CARD8: variants seen among roughly 807,000 people sequenced by gnomAD.
CARD8 encodes caspase recruitment domain family member 8, also known as caspase recruitment domain-containing protein 8.
A neutral mutation model predicts 53.2 loss-of-function variants in CARD8; 38 were observed. The ratio of observed to expected loss-of-function variants is 0.71; its 90% CI spans 0.55 to 0.94. The LOEUF (loss-of-function observed/expected upper bound fraction) is 0.94, where lower values mean the gene tolerates loss of function less well. CARD8 is among the 40% of genes least tolerant of loss of function. The probability of loss-of-function intolerance (pLI) is 0.00; values close to 1 mark genes in which losing one functional copy is unlikely to be tolerated. For missense variants in CARD8, 561 were observed against 655.5 expected (o/e 0.86, Z 1.57); for synonymous variants, 245 against 244.9 (o/e 1.00, Z 0.00).
chr19:48,206,292 C>G (rs2037343111), downstream of CARD8: 5 of 357,164 alleles, frequency 1.4e-5, no homozygotes, highest in Admixed American at 1.7e-4. Flanking sequence ...TGTATAGTTG[C>G]ATTTCAATAG....
chr19:48,216,123 T>C (rs2039232456), intron 12 of CARD8, among the ~76,000 whole-genome samples: 1 of 120,146 alleles, frequency 8.3e-6, no homozygotes, highest in Admixed American at 9.8e-5. Context: ...CCCCATTTCA[T>C]CTAGAATTTG....
At chr19:48,254,276 A>C (rs1341161839) in intron 1 of CARD8, among the ~76,000 whole-genome samples, 1 of 152,222 alleles carries the variant, frequency 6.6e-6, no homozygotes, top group Non-Finnish European at 1.5e-5. Context: ...TAATTGAATG[A>C]GAAAAGTTAG....
chr19:48,203,322 A>G (rs373059644), downstream of CARD8: 5 of 152,208 alleles, frequency 3.3e-5, no homozygotes, highest in East Asian at 9.7e-4. Flanking sequence ...AGCACTTATC[A>G]CTACCTGAAA....
Position 48,241,053 on chromosome 19 carries a change from T to A in CARD8, c.-33A>T, listed in dbSNP as rs534101092. 2.5e-5 allele frequency: 38 copies of A among 1,496,324 alleles called. No individual in the cohort carries two copies. The Admixed American group carries it at 3.5e-4, about 14-fold the overall frequency. 92.7% of individuals were successfully genotyped at this position (1,496,324 alleles called of 1,614,324 possible). A position where few individuals can be genotyped will look rare whatever the true frequency, so the allele number is the denominator to read the frequency against. The stretch of plus-strand genomic sequence containing the variant: ...ATGTGGTATTTATGTCTTTACTGTA[T>A]CTTTTTTACCCTGAAAAAATAAAAG... On this transcript the variant is annotated 5_prime_UTR_variant, in exon 4 of 14. Coordinates refer to ENST00000651546, the MANE Select transcript of CARD8 (RefSeq NM_001184900.3).
At position 48,242,018 on chromosome 19, in the gene CARD8, G is replaced by C. The variant is rs887068654; in HGVS notation, c.-43-955C>G. ...CACAGGCACGCACACCCAGCCACAG[G>C]CACCCACGCATCCACCTTCTGTCTC... On this transcript the variant is annotated intron_variant, in intron 3 of 13. Coordinates refer to ENST00000651546, the MANE Select transcript of CARD8 (RefSeq NM_001184900.3). Among the ~76,000 whole-genome samples, 7 of 152,200 alleles carry C rather than the reference G, an allele frequency of 4.6e-5. 1 individual carries two copies. The highest frequency in any genetic ancestry group is 1.7e-4 in the African/African-American group (7 of 41,522).
At chr19:48,243,394 C>T (rs562014025) in intron 3 of CARD8, among the ~76,000 whole-genome samples, 1 of 152,278 alleles carries the variant, frequency 6.6e-6, no homozygotes, top group East Asian at 1.9e-4. Context: ...TCTGCAATAA[C>T]TGAATGTCTA....
intron 10 of CARD8, among the ~76,000 whole-genome samples, chr19:48,225,744 T>A (rs1233158983): frequency 1.3e-5 from 2 of 151,694 alleles, no homozygotes; most frequent in African/African-American, 4.8e-5. Context: ...ACTGAGATGT[T>A]CTAGGGTCAC....
At chr19:48,204,015 G>C (rs1039113799), downstream of CARD8, 6 of 375,134 alleles carry the variant, frequency 1.6e-5, no homozygotes, top group African/African-American at 1.1e-4. Context: ...AGCATGTGCA[G>C]GCTGCGGGGT....
rs373244139 is a variant in CARD8 at position 48,234,426 on chromosome 19, T to C, written c.327A>G (p.Gln109=). 48 of 1,612,694 alleles carry C rather than the reference T, an allele frequency of 3.0e-5. No homozygotes were observed. Among genetic ancestry groups the C allele is most frequent in the African/African-American group, 5.3e-5 (4 of 74,888 alleles). ...PLLFRAVPEC[Q]LSGGDIPSVS... Reference sequence around the variant, plus strand: ...ACCTGGGAATGTCCCCCCCAGATAGTTGACACTCAGGAACAGCACGGAACA... The same window carrying C: ...ACCTGGGAATGTCCCCCCCAGATAGCTGACACTCAGGAACAGCACGGAACA... Residue 109 remains glutamine (Q), a synonymous_variant, in exon 6 of 14, where the codon CAA becomes CAG. Coordinates refer to ENST00000651546, the MANE Select transcript of CARD8 (RefSeq NM_001184900.3).
In CARD8 at chr19:48,249,504, C is replaced by T. The variant is rs2046661350; in HGVS notation, c.-44+19G>A. 1 of 152,200 alleles carries T rather than the reference C, an allele frequency of 6.6e-6. No homozygotes were observed. Among genetic ancestry groups the T allele is most frequent in the East Asian group, 1.9e-4 (1 of 5,328 alleles). The allele number at this position is 152,200 out of a possible 1,614,324, so 9.4% of individuals were successfully genotyped here. On this transcript the variant is annotated intron_variant, in intron 3 of 13. Transcript: ENST00000651546. ...TAAACTCTGCAGAAGTAAGTGTAGT[C>T]GTGTTTTTTCCTACTCACATTGAAG... is the stretch of plus-strand genomic sequence containing the variant.
chr19:48,215,306 A>T, intron 13 of CARD8, 34 bp downstream of exon 13: 2 of 1,539,598 alleles, frequency 1.3e-6, no homozygotes, highest in Non-Finnish European at 1.8e-6. Flanking sequence ...TGTCTCATAC[A>T]TACCCTTGGC....
chr19:48,247,429 AT>A (rs991550012), intron 3 of CARD8, among the ~76,000 whole-genome samples: 1 of 152,222 alleles, frequency 6.6e-6, no homozygotes, highest in African/African-American at 2.4e-5. Context: ...ATGAAATAAT[AT>A]GCAATTTTAA....
At chr19:48,255,126 G>A (rs1966906308) in intron 1 of CARD8, among the ~76,000 whole-genome samples, 1 of 152,162 alleles carries the variant, frequency 6.6e-6, no homozygotes, top group African/African-American at 2.4e-5. Context: ...CCAACACTTT[G>A]GGAGGCCAAG....
chr19:48,217,402 G>A (rs1353621287), intron 12 of CARD8, among the ~76,000 whole-genome samples: 1 of 152,186 alleles, frequency 6.6e-6, no homozygotes, highest in Non-Finnish European at 1.5e-5. Context: ...GTTCAACTAT[G>A]TCCTTCTTCC....
At chr19:48,231,142 G>A (rs528133399) in intron 8 of CARD8, 136 bp from the exon 9 acceptor site, 2 of 675,448 alleles carry the variant, frequency 3.0e-6, no homozygotes, top group Admixed American at 2.6e-5. Context: ...ATTAGAAAAC[G>A]CTGGGGAGTT....
At chr19:48,240,889 G>T in intron 4 of CARD8, 73 bp downstream of exon 4, 1 of 1,151,592 alleles carries the variant, frequency 8.7e-7, no homozygotes, top group South Asian at 1.3e-5. Flanking sequence ...ATGGTCCTCT[G>T]TATCTCATGA....
Position 48,211,712 on chromosome 19 carries a change from A to T in CARD8, c.1612T>A (p.Ter538LysextTer6). ...LVSYLRQQNL* is the reference protein window; with the variant it reads ...LVSYLRQQNLK ...CCAGACTACCTAACTGACTCATTTT[A>T]CAAATTCTGCTGTCTAAGATAGGAC... The change falls in exon 14 of 14, where the codon TAA (stop) becomes AAA (lysine). Residue 538 changes from the stop codon to lysine, a stop_lost. Transcript: ENST00000651546. The T allele has an allele frequency of 1.2e-6, 2 of 1,613,118 alleles. No homozygotes were observed. The highest frequency in any genetic ancestry group is 1.7e-6 in the Non-Finnish European group (2 of 1,179,448).
intron 13 of CARD8, among the ~76,000 whole-genome samples, chr19:48,213,531 G>A (rs930667162): frequency 2.0e-5 from 3 of 151,986 alleles, no homozygotes; most frequent in Non-Finnish European, 4.4e-5. Context: ...GTGCCACCAC[G>A]CCCAGCTAGT....
intron 4 of CARD8, among the ~76,000 whole-genome samples, chr19:48,239,641 A>G (rs1378936749): frequency 6.6e-6 from 1 of 151,920 alleles, no homozygotes; most frequent in Non-Finnish European, 1.5e-5. Flanking sequence ...ATGCCCAGCT[A>G]ATTTTTATAT....
Sources: gnomAD v4.1 joint callset for allele counts (sites outside exome capture counted in the v4.1 genomes callset) on GRCh38, gnomAD v4.1.1 for gene constraint, MANE v1.5 for transcripts, NCBI Gene and HGNC (gene_info 2026-07-23, HGNC 2026-07-21) for gene names.